The following SLCO2A1 variants were observed in gnomAD, a reference collection of about 807,000 sequenced individuals.
SLCO2A1 encodes the protein matrin F/G 1.
Under a neutral mutation model 71.7 loss-of-function variants are expected in SLCO2A1, and 60 were observed. The observed-to-expected ratio is 0.84, with a 90% CI of 0.68 to 1.04. SLCO2A1 has a LOEUF of 1.04. Among genes scored for constraint, SLCO2A1 ranks in the 50% least tolerant of loss-of-function variants. The probability of loss-of-function intolerance (pLI) is 0.00; values close to 1 mark genes in which losing one functional copy is unlikely to be tolerated. For missense variants in SLCO2A1, 745 were observed against 813.4 expected (o/e 0.92, Z 1.02); for synonymous variants, 308 against 326.7 (o/e 0.94, Z 0.62).
At chr3:134,012,507 G>A (rs998382712) in intron 1 of SLCO2A1, among the ~76,000 whole-genome samples, 1 of 152,188 alleles carries the variant, frequency 6.6e-6, no homozygotes, top group Non-Finnish European at 1.5e-5. Flanking sequence ...GAGCAGATGA[G>A]CTTTCTCATC....
chr3:134,029,113 G>A (rs567063037), intron 1 of SLCO2A1, among the ~76,000 whole-genome samples: 1 of 152,306 alleles, frequency 6.6e-6, no homozygotes, highest in South Asian at 2.1e-4. Flanking sequence ...GCCGCCCGCT[G>A]AGAGGGAATT....
At chr3:133,995,932 G>GT (rs57701882) in intron 1 of SLCO2A1, among the ~76,000 whole-genome samples, 4,906 of 152,284 alleles carry the variant, frequency 0.032, 145 homozygotes, top group South Asian at 0.14. Context: ...TGCAGGAATA[G>GT]TAAGTTATTC....
At chr3:133,938,316 T>A in intron 12 of SLCO2A1, 113 bp downstream of exon 12, 1 of 939,600 alleles carries the variant, frequency 1.1e-6, no homozygotes, top group Admixed American at 1.8e-5. Flanking sequence ...GCACAGCTTC[T>A]CTTCGCCATG....
chr3:133,961,712 G>A (rs1934040007), intron 3 of SLCO2A1, among the ~76,000 whole-genome samples: 2 of 142,824 alleles, frequency 1.4e-5, no homozygotes, highest in Admixed American at 1.5e-4. Context: ...TAATCAATGG[G>A]CCCCAATTAC....
At chr3:133,994,120 T>C (rs1372716213) in intron 1 of SLCO2A1, among the ~76,000 whole-genome samples, 2 of 152,216 alleles carry the variant, frequency 1.3e-5, no homozygotes, top group African/African-American at 4.8e-5. Flanking sequence ...ATTTACTTAT[T>C]TCTGTCTCCC....
chr3:134,017,239 A>G (rs2108077413), intron 1 of SLCO2A1, among the ~76,000 whole-genome samples: 1 of 152,376 alleles, frequency 6.6e-6, no homozygotes, highest in East Asian at 1.9e-4. Context: ...TATAAGATGC[A>G]ACCACTGGCA....
intron 3 of SLCO2A1, among the ~76,000 whole-genome samples, chr3:133,963,101 G>T (rs1434799207): frequency 6.6e-6 from 1 of 152,072 alleles, no homozygotes; most frequent in East Asian, 1.9e-4. Flanking sequence ...CCCTCCTCCA[G>T]CTCCCCCAGC....
chr3:134,001,673 G>T (rs901770239), intron 1 of SLCO2A1, among the ~76,000 whole-genome samples: 1 of 152,148 alleles, frequency 6.6e-6, no homozygotes, highest in Non-Finnish European at 1.5e-5. Context: ...CGGAATGAAA[G>T]GTGAGAGTGA....
intron 1 of SLCO2A1, among the ~76,000 whole-genome samples, chr3:134,013,250 T>C (rs896482550): frequency 6.6e-6 from 1 of 152,132 alleles, no homozygotes; most frequent in Non-Finnish European, 1.5e-5. Context: ...ATACCCCAAA[T>C]ACACTGTAAA....
chr3:133,989,917 T>C (rs1409335676), intron 1 of SLCO2A1, among the ~76,000 whole-genome samples: 1 of 152,262 alleles, frequency 6.6e-6, no homozygotes, highest in Non-Finnish European at 1.5e-5. Context: ...TCAGATCACT[T>C]TGTGGGAAGC....
At position 133,956,960 on chromosome 3, in the gene SLCO2A1, T is replaced by C. The variant is rs769058352; in HGVS notation, c.398-1767A>G. On this transcript the variant is annotated intron_variant, in intron 3 of 13. Transcript: ENST00000310926. ...GTCTGGAATGAACACATTTCTTTTG[T>C]GTTAAAAGAAATACTTTTGAAATAA... Among the ~76,000 whole-genome samples the C allele has an allele frequency of 1.1e-4, 16 of 152,380 alleles. 1 individual carries two copies. The highest frequency in any genetic ancestry group is 2.2e-4 in the Non-Finnish European group (15 of 68,042).
At chr3:133,981,812 T>TA (rs1486770420) in intron 1 of SLCO2A1, among the ~76,000 whole-genome samples, 5 of 151,770 alleles carry the variant, frequency 3.3e-5, no homozygotes, top group Non-Finnish European at 7.4e-5. Flanking sequence ...CCGTCTCTAC[T>TA]AAAAATACAA....
At chr3:134,015,397 T>C (rs1317843204) in intron 1 of SLCO2A1, among the ~76,000 whole-genome samples, 2 of 121,456 alleles carry the variant, frequency 1.6e-5, no homozygotes. Flanking sequence ...GCTGAACTCA[T>C]AGAAGTAAAA....
chr3:134,006,545 G>A (rs1935219828), intron 1 of SLCO2A1, among the ~76,000 whole-genome samples: 1 of 152,112 alleles, frequency 6.6e-6, no homozygotes, highest in South Asian at 2.1e-4. Flanking sequence ...ACTATTCTAG[G>A]TATCTCATGT....
intron 3 of SLCO2A1, among the ~76,000 whole-genome samples, chr3:133,967,616 T>G (rs1034804129): frequency 4.0e-5 from 6 of 149,556 alleles, no homozygotes; most frequent in African/African-American, 1.5e-4. Context: ...CCATGTGTTT[T>G]GTGATTTTCT....
At chr3:133,967,954 C>G (rs1207567318) in intron 3 of SLCO2A1, among the ~76,000 whole-genome samples, 5 of 105,126 alleles carry the variant, frequency 4.8e-5, no homozygotes, top group Admixed American at 2.8e-4. Flanking sequence ...ACACACTTCC[C>G]CCGACATGGA....
chr3:133,947,930 T>G (rs545625132), intron 8 of SLCO2A1, among the ~76,000 whole-genome samples: 2 of 152,242 alleles, frequency 1.3e-5, no homozygotes, highest in Non-Finnish European at 2.9e-5. Flanking sequence ...CACCTGTGGG[T>G]TGGGTTGGGC....
At chr3:134,009,748 A>G (rs1223891135) in intron 1 of SLCO2A1, among the ~76,000 whole-genome samples, 1 of 152,268 alleles carries the variant, frequency 6.6e-6, no homozygotes, top group Non-Finnish European at 1.5e-5. Flanking sequence ...GGAAAATACA[A>G]CAACAGATAT....
At chr3:134,009,158 CA>C (rs1460233133) in intron 1 of SLCO2A1, among the ~76,000 whole-genome samples, 2 of 152,176 alleles carry the variant, frequency 1.3e-5, no homozygotes, top group Non-Finnish European at 2.9e-5. Flanking sequence ...AGCATAAATA[CA>C]GGACATGTTT....
Sources: allele counts gnomAD v4.1 joint callset (sites outside exome capture counted in the v4.1 genomes callset), GRCh38; gene constraint gnomAD v4.1.1; transcripts MANE v1.5; gene names NCBI Gene and HGNC (gene_info 2026-07-23, HGNC 2026-07-21).